Variants in UNC5B observed in about 807,000 individuals in gnomAD.
UNC5B encodes netrin receptor UNC5B.
A neutral mutation model predicts 103.7 loss-of-function variants in UNC5B; 56 were observed. The ratio of observed to expected loss-of-function variants is 0.54; its 90% CI spans 0.44 to 0.67. UNC5B has a LOEUF of 0.67. Ranked by LOEUF, UNC5B falls within the 30% of genes least tolerant of loss-of-function variation. UNC5B has a pLI of 0.00. For synonymous variants in UNC5B, 577 were observed against 542.0 expected (o/e 1.06, Z -0.90); for missense variants, 1,194 against 1,284.5 (o/e 0.93, Z 1.08).
At chr10:71,252,762 A>C (rs1844202125) in intron 1 of UNC5B, among the ~76,000 whole-genome samples, 2 of 152,166 alleles carry the variant, frequency 1.3e-5, no homozygotes, top group Non-Finnish European at 2.9e-5. Flanking sequence ...GGCACCTGCA[A>C]GGAGAGGGAA....
At chr10:71,278,626 T>C (rs1435501404) in intron 1 of UNC5B, among the ~76,000 whole-genome samples, 1 of 152,248 alleles carries the variant, frequency 6.6e-6, no homozygotes, top group Non-Finnish European at 1.5e-5. Context: ...CCTCTGACTG[T>C]AGGGGGGACT....
At chr10:71,288,544 C>A in intron 6 of UNC5B, 24 bp from the exon 7 acceptor site, 1 of 1,603,346 alleles carries the variant, frequency 6.2e-7, no homozygotes, top group Non-Finnish European at 8.5e-7. Flanking sequence ...CGTGCACATG[C>A]TCCTGTATGC....
chr10:71,233,237 G>A (rs1008160187), intron 1 of UNC5B, among the ~76,000 whole-genome samples: 8 of 152,144 alleles, frequency 5.3e-5, no homozygotes, highest in African/African-American at 1.2e-4. Context: ...TCGGCTTTTC[G>A]TTGCAGGTTT....
Position 71,293,403 on chromosome 10 carries a change from A to G in UNC5B, c.1773-2A>G. 1 of 1,611,422 alleles carries G rather than the reference A, an allele frequency of 6.2e-7. No homozygotes were observed. The highest frequency in any genetic ancestry group is 2.2e-5 in the East Asian group (1 of 44,808). ...TCTCTCCTACCCTGTGTCCTCCTCCAGCCCGCTTTCAGAAGGGACCCAGAC... is the reference window on the plus strand; with the variant it reads ...TCTCTCCTACCCTGTGTCCTCCTCCGGCCCGCTTTCAGAAGGGACCCAGAC... On this transcript the variant is annotated splice_acceptor_variant, in intron 11 of 16. Transcript: ENST00000335350. LOFTEE classifies it high-confidence loss of function.
At chr10:71,288,493 G>A (rs1035899547) in intron 6 of UNC5B, 75 bp from the exon 7 acceptor site, 2 of 1,540,848 alleles carry the variant, frequency 1.3e-6, no homozygotes, top group African/African-American at 2.7e-5. Context: ...TTGGCACATT[G>A]CTCTGTTCTG....
At chr10:71,238,224 T>C (rs1443871200) in intron 1 of UNC5B, among the ~76,000 whole-genome samples, 1 of 152,168 alleles carries the variant, frequency 6.6e-6, no homozygotes, top group East Asian at 1.9e-4. Context: ...AGGAAGGGGT[T>C]GCTCGAAGAC....
At chr10:71,235,075 G>T (rs956524153) in intron 1 of UNC5B, among the ~76,000 whole-genome samples, 1 of 144,172 alleles carries the variant, frequency 6.9e-6, no homozygotes, top group East Asian at 2.1e-4. Context: ...TGCAGGACTC[G>T]CTGCCGCTGC....
chr10:71,274,309 G>A (rs978644250), intron 1 of UNC5B, among the ~76,000 whole-genome samples: 3 of 152,016 alleles, frequency 2.0e-5, no homozygotes, highest in Admixed American at 6.6e-5. Flanking sequence ...GCAGTGAGCC[G>A]AGATTGCACC....
In UNC5B at chr10:71,291,060, T is replaced by C; in HGVS notation, c.1245T>C (p.Ala415=). Residue 415 remains alanine, a synonymous_variant, in exon 9 of 17, where the codon GCT becomes GCC. Transcript: ENST00000335350. ...ACACAGACATCACTGACTCATCTGCTGCCCTGACTGGTGGTTTCCACCCCG... is the reference window on the plus strand; with the variant it reads ...ACACAGACATCACTGACTCATCTGCCGCCCTGACTGGTGGTTTCCACCCCG... ...DFDTDITDSS[A]ALTGGFHPVN... 6.2e-7 allele frequency: 1 copy of C among 1,614,124 alleles called. No homozygotes were observed. Among genetic ancestry groups the C allele is most frequent in the Non-Finnish European group, 8.5e-7 (1 of 1,180,026 alleles).
chr10:71,254,023 C>T (rs1278631086), intron 1 of UNC5B, among the ~76,000 whole-genome samples: 3 of 152,162 alleles, frequency 2.0e-5, no homozygotes, highest in Non-Finnish European at 2.9e-5. Context: ...CCCAACTCAG[C>T]ACAGGGGGAA....
intron 10 of UNC5B, among the ~76,000 whole-genome samples, chr10:71,292,145 A>G (rs547639779): frequency 1.3e-5 from 2 of 152,264 alleles, no homozygotes; most frequent in East Asian, 3.9e-4. Context: ...CAGCAGAGGG[A>G]CAGGGGCGCC....
chr10:71,227,707 T>TACACAC (rs57747777), intron 1 of UNC5B, among the ~76,000 whole-genome samples: 459 of 128,068 alleles, frequency 3.6e-3, no homozygotes, highest in African/African-American at 9.2e-3. Flanking sequence ...TACACACATA[T>TACACAC]ACACACACAC....
chr10:71,235,079 CCGCTGCCTCTGA>C (rs1843749173), intron 1 of UNC5B, among the ~76,000 whole-genome samples: 1 of 144,868 alleles, frequency 6.9e-6, no homozygotes, highest in African/African-American at 2.4e-5. Context: ...GGACTCGCTG[CCGCTGCCTCTGA>C]CTCTGCCTCT....
chr10:71,278,868 G>T (rs59034286), intron 1 of UNC5B, among the ~76,000 whole-genome samples: 8,870 of 152,324 alleles, frequency 0.058, 413 homozygotes, highest in East Asian at 0.14. Flanking sequence ...TGATCATTTG[G>T]CATTTGGCAC....
chr10:71,236,996 G>T (rs1305945480), intron 1 of UNC5B, among the ~76,000 whole-genome samples: 1 of 152,244 alleles, frequency 6.6e-6, no homozygotes, highest in Non-Finnish European at 1.5e-5. Context: ...GATGTGGAAG[G>T]CTTCCTGGAG....
In UNC5B at chr10:71,293,474, G is replaced by A. The variant is rs1589202375; in HGVS notation, c.1842G>A (p.Leu614=). 3 of 1,614,084 alleles carry A rather than the reference G, an allele frequency of 1.9e-6. No individual in the cohort carries two copies. Among genetic ancestry groups the A allele is most frequent in the East Asian group, 2.2e-5 (1 of 44,876 alleles). Residue 614 remains leucine, a synonymous_variant, in exon 12 of 17, where the codon CTG becomes CTA. Coordinates refer to ENST00000335350, the MANE Select transcript of UNC5B (RefSeq NM_170744.5). ...SVTCGPTGLL[L]CRPVILTMPH... is the part of the protein sequence containing the mutation. ...CCTGTGGACCCACAGGCCTCCTGCTGTGCCGCCCCGTCATCCTCACCATGC... is the reference window on the plus strand; with the variant it reads ...CCTGTGGACCCACAGGCCTCCTGCTATGCCGCCCCGTCATCCTCACCATGC...
At chr10:71,239,475 G>A (rs1460387586) in intron 1 of UNC5B, among the ~76,000 whole-genome samples, 1 of 152,120 alleles carries the variant, frequency 6.6e-6, no homozygotes, top group Admixed American at 6.5e-5. Flanking sequence ...CCTCATGCAT[G>A]TCACTGGCTG....
In UNC5B at chr10:71,285,436, G is replaced by C; in HGVS notation, c.552+7G>C. 1 of 1,578,946 alleles carries C rather than the reference G, an allele frequency of 6.3e-7. No homozygotes were observed. Among genetic ancestry groups the C allele is most frequent in the East Asian group, 2.3e-5 (1 of 43,622 alleles). ...GGGGGTGCCTGTGGCCGAGGTGAGC[G>C]GGGACGTAGGGACCACTGAGCACGG... On this transcript the variant is annotated splice_region_variant and intron_variant, in intron 4 of 16. Coordinates refer to ENST00000335350, the MANE Select transcript of UNC5B (RefSeq NM_170744.5).
chr10:71,280,934 C>T (rs1371542091), intron 2 of UNC5B, among the ~76,000 whole-genome samples: 1 of 152,190 alleles, frequency 6.6e-6, no homozygotes, highest in Non-Finnish European at 1.5e-5. Flanking sequence ...TTGTTTTTCC[C>T]GTCTCTTTCT....
Sources: gnomAD v4.1 joint callset for allele counts (sites outside exome capture counted in the v4.1 genomes callset) on GRCh38, gnomAD v4.1.1 for gene constraint, MANE v1.5 for transcripts, NCBI Gene and HGNC (gene_info 2026-07-23, HGNC 2026-07-21) for gene names.